DPP6: variants seen among roughly 807,000 people sequenced by gnomAD.
DPP6 encodes A-type potassium channel modulatory protein DPP6.
In DPP6, 69 loss-of-function variants were observed where a neutral mutation model predicts 122.6. The observed-to-expected ratio is 0.56, with a 90% confidence interval of 0.46 to 0.69. The LOEUF (loss-of-function observed/expected upper bound fraction) is 0.69, where lower values mean the gene tolerates loss of function less well. Among genes scored for constraint, DPP6 ranks in the 30% least tolerant of loss-of-function variants. The probability of loss-of-function intolerance (pLI) is 0.00; values close to 1 mark genes in which losing one functional copy is unlikely to be tolerated. For missense variants in DPP6, 928 were observed against 1,116.9 expected, an observed-to-expected ratio of 0.83 and a Z score of 2.41; for synonymous variants, 418 against 433.1, an observed-to-expected ratio of 0.97 and a Z score of 0.43.
intron 1 of DPP6, among the ~76,000 whole-genome samples, chr7:153,988,925 G>C (rs534449842): frequency 6.7e-6 from 1 of 149,970 alleles, no homozygotes; most frequent in South Asian, 2.1e-4. Flanking sequence ...AGCGCGCCGG[G>C]AGTGGTGGGA....
intron 3 of DPP6, among the ~76,000 whole-genome samples, chr7:154,485,834 G>A (rs1200794038): frequency 6.6e-6 from 1 of 152,026 alleles, no homozygotes; most frequent in South Asian, 2.1e-4. Flanking sequence ...GGGTACATGT[G>A]CACAACGTGC....
At chr7:154,272,205 C>T (rs572905228) in intron 1 of DPP6, among the ~76,000 whole-genome samples, 1 of 152,314 alleles carries the variant, frequency 6.6e-6, no homozygotes, top group South Asian at 2.1e-4. Context: ...CTAAAAGAGA[C>T]CTGCCTGCTC....
chr7:154,849,162 T>C (rs1340922853), intron 16 of DPP6, among the ~76,000 whole-genome samples: 2 of 152,220 alleles, frequency 1.3e-5, no homozygotes, highest in Non-Finnish European at 2.9e-5. Flanking sequence ...TGGTTGCATA[T>C]GAATTTTAGG....
chr7:154,559,394 A>G (rs1830266743), intron 4 of DPP6, among the ~76,000 whole-genome samples: 1 of 151,728 alleles, frequency 6.6e-6, no homozygotes, highest in South Asian at 2.1e-4. Context: ...GTTGGACAGT[A>G]TAAAGTAGAC....
At chr7:153,925,293 C>G (rs2129010620) in intron 1 of DPP6, among the ~76,000 whole-genome samples, 1 of 152,182 alleles carries the variant, frequency 6.6e-6, no homozygotes, top group Non-Finnish European at 1.5e-5. Flanking sequence ...GAAGGGAGAT[C>G]ATCCCGCATG....
intron 1 of DPP6, among the ~76,000 whole-genome samples, chr7:154,430,561 T>C (rs1412014873): frequency 6.6e-6 from 1 of 152,180 alleles, no homozygotes; most frequent in African/African-American, 2.4e-5. Flanking sequence ...GCCCCCCTCC[T>C]AGTGCTGTCA....
chr7:154,822,782 C>T lies in DPP6; in HGVS notation c.1666+15670C>T, dbSNP rs555343173. ...CTCATCCTGCTCCTCCATCCTATTT[C>T]CTGCTCTTCATCCTGTTTTCTCTCT... is the stretch of plus-strand genomic sequence containing the variant. On this transcript the variant is annotated intron_variant, in intron 16 of 25. Coordinates refer to ENST00000377770, the MANE Select transcript of DPP6 (RefSeq NM_130797.4). Among the ~76,000 whole-genome samples the T allele has an allele frequency of 7.2e-5, 11 of 152,256 alleles. No homozygotes were observed. The South Asian group carries it at 2.3e-3, about 32-fold the overall frequency.
intron 1 of DPP6, among the ~76,000 whole-genome samples, chr7:154,044,962 T>A (rs1174906413): frequency 6.6e-6 from 1 of 152,176 alleles, no homozygotes; most frequent in Non-Finnish European, 1.5e-5. Context: ...TCTGGCAAGA[T>A]GGGAAAAGGC....
rs367672709 is a variant in DPP6, at chr7:154,046,503, G to A, written c.51+158769G>A. Reference sequence around the variant, plus strand: ...TATTCCATTTAGAACTCAAAGATGAGTGTTCAGGAGCTGGATATTTATAGG... The same window carrying A: ...TATTCCATTTAGAACTCAAAGATGAATGTTCAGGAGCTGGATATTTATAGG... On this transcript the variant is annotated intron_variant, in intron 1 of 25. Transcript: ENST00000404039. Among the ~76,000 whole-genome samples the A allele has an allele frequency of 6.6e-5, 10 of 152,322 alleles. No homozygotes were observed. In the East Asian group the frequency reaches 1.7e-3, roughly 26 times the overall value.
chr7:154,059,129 A>T (rs1278058554), intron 1 of DPP6: 2 of 139,380 alleles, frequency 1.4e-5, no homozygotes, highest in East Asian at 4.3e-4. Flanking sequence ...ACCCCCCACG[A>T]GGGTGGGGAC....
At chr7:153,873,529 C>T in the DPP6 span, among the ~76,000 whole-genome samples, 1 of 152,148 alleles carries the variant, frequency 6.6e-6, no homozygotes, top group East Asian at 1.9e-4. Flanking sequence ...CATAAATAAA[C>T]ATAACTTTGC....
chr7:153,982,479 T>G (rs997654509), intron 1 of DPP6, among the ~76,000 whole-genome samples: 12 of 152,092 alleles, frequency 7.9e-5, no homozygotes, highest in Non-Finnish European at 1.5e-4. Context: ...TTCCTTGCAT[T>G]GGGTTAGAAC....
intron 1 of DPP6, among the ~76,000 whole-genome samples, chr7:154,244,174 A>G (rs1801826383): frequency 6.6e-6 from 1 of 152,176 alleles, no homozygotes; most frequent in Non-Finnish European, 1.5e-5. Context: ...GACACGTTAT[A>G]TACAAGGAAA....
chr7:153,933,026 C>T (rs1357426756), intron 1 of DPP6, among the ~76,000 whole-genome samples: 1 of 152,178 alleles, frequency 6.6e-6, no homozygotes, highest in African/African-American at 2.4e-5. Context: ...TGCCTGCCGC[C>T]ATGTAAGATG....
At chr7:154,217,573 C>A (rs1180989860) in intron 1 of DPP6, among the ~76,000 whole-genome samples, 2 of 152,244 alleles carry the variant, frequency 1.3e-5, no homozygotes, top group East Asian at 3.9e-4. Context: ...AAAATAAAAG[C>A]CTATGAGCTA....
chr7:154,512,425 G>C (rs1826163053), intron 3 of DPP6, among the ~76,000 whole-genome samples: 1 of 152,112 alleles, frequency 6.6e-6, no homozygotes, highest in South Asian at 2.1e-4. Context: ...TTCACACTTG[G>C]TAGCTTCCAG....
At chr7:154,047,402 C>T (rs1278836791), upstream of DPP6, among the ~76,000 whole-genome samples, 2 of 149,904 alleles carry the variant, frequency 1.3e-5, no homozygotes, top group Non-Finnish European at 2.9e-5. Context: ...GCAAGGCGCT[C>T]TAGGGGCACT....
intron 1 of DPP6, among the ~76,000 whole-genome samples, chr7:154,328,354 G>A (rs988037014): frequency 3.9e-5 from 6 of 152,140 alleles, no homozygotes; most frequent in African/African-American, 4.8e-5. Context: ...GCTACATCCC[G>A]AAGCAGGGAA....
chr7:154,836,906 C>T (rs921086273), intron 16 of DPP6, among the ~76,000 whole-genome samples: 2 of 152,194 alleles, frequency 1.3e-5, no homozygotes, highest in Non-Finnish European at 2.9e-5. Flanking sequence ...AGGGTTTCAT[C>T]ATGTTGGCCA....
Sources: allele counts gnomAD v4.1 joint callset (sites outside exome capture counted in the v4.1 genomes callset), GRCh38; gene constraint gnomAD v4.1.1; transcripts MANE v1.5; gene names NCBI Gene and HGNC (gene_info 2026-07-23, HGNC 2026-07-21).